ZMYND8: variants seen among roughly 807,000 people sequenced by gnomAD.
ZMYND8 encodes the protein zinc finger MYND-type containing 8, also known as MYND-type zinc finger-containing chromatin reader ZMYND8.
A neutral mutation model predicts 140.8 loss-of-function variants in ZMYND8; 37 were observed. The ratio of observed to expected loss-of-function variants is 0.26; its 90% confidence interval spans 0.20 to 0.35. The LOEUF (loss-of-function observed/expected upper bound fraction) is 0.35, where lower values mean the gene tolerates loss of function less well. Among genes scored for constraint, ZMYND8 ranks in the 10% least tolerant of loss-of-function variants. ZMYND8 has a pLI of 1.00. For missense variants in ZMYND8, 1,068 were observed against 1,570.0 expected (o/e 0.68, Z 5.40); for synonymous variants, 592 against 597.1 (o/e 0.99, Z 0.12).
At chr20:47,328,227 G>A (rs146448695) in intron 2 of ZMYND8, among the ~76,000 whole-genome samples, 1 of 152,266 alleles carries the variant, frequency 6.6e-6, no homozygotes, top group East Asian at 1.9e-4. Context: ...TTGCTAGGAT[G>A]GCCAGGTCCT....
chr20:47,281,169 C>A (rs941732602), intron 10 of ZMYND8, among the ~76,000 whole-genome samples: 1 of 152,194 alleles, frequency 6.6e-6, no homozygotes, highest in African/African-American at 2.4e-5. Context: ...AAATCCAGCA[C>A]CATCTCAATA....
At chr20:47,264,564 A>G (rs894245704) in intron 11 of ZMYND8, among the ~76,000 whole-genome samples, 1 of 152,218 alleles carries the variant, frequency 6.6e-6, no homozygotes, top group Non-Finnish European at 1.5e-5. Context: ...GCCATGAGTC[A>G]CTGTGCCCAG....
intron 2 of ZMYND8, among the ~76,000 whole-genome samples, chr20:47,337,079 C>T (rs903096274): frequency 2.8e-4 from 43 of 151,420 alleles, no homozygotes; most frequent in Admixed American, 8.6e-4. Flanking sequence ...CAGCCAGGCA[C>T]GGTGGCTCAC....
intron 14 of ZMYND8, among the ~76,000 whole-genome samples, chr20:47,245,525 C>T (rs1462909447): frequency 1.3e-5 from 2 of 152,176 alleles, no homozygotes; most frequent in South Asian, 2.1e-4. Context: ...GGATTACAGG[C>T]GTGAGCCACC....
In ZMYND8 at chr20:47,310,282, C is replaced by A. The variant is rs978531830; in HGVS notation, c.86-78G>T. On this transcript the variant is annotated intron_variant, in intron 2 of 22. Coordinates refer to ENST00000471951, the MANE Select transcript of ZMYND8 (RefSeq NM_001281775.3). The stretch of plus-strand genomic sequence containing the variant: ...CCACAGGGAGGAGGTGTGGAGGAAC[C>A]AAGTGTGGGAACAGAGTGCATTCTG... The A allele has an allele frequency of 2.7e-6, 4 of 1,507,850 alleles. No homozygotes were observed. In the Admixed American group the frequency reaches 9.0e-5, roughly 34 times the overall value. The allele number at this position is 1,507,850 out of a possible 1,614,324, so 93.4% of individuals were successfully genotyped here.
intron 2 of ZMYND8, among the ~76,000 whole-genome samples, chr20:47,338,822 C>T (rs904523762): frequency 2.6e-5 from 4 of 152,114 alleles, no homozygotes; most frequent in African/African-American, 9.7e-5. Flanking sequence ...TCCTTCCAAA[C>T]ACCTGCAGAA....
At chr20:47,328,990 G>A (rs1008639256) in intron 2 of ZMYND8, among the ~76,000 whole-genome samples, 1 of 152,216 alleles carries the variant, frequency 6.6e-6, no homozygotes, top group African/African-American at 2.4e-5. Flanking sequence ...TCAGGCCTAG[G>A]TGCCAAGGGG....
chr20:47,240,187 G>A (rs1026848736), intron 14 of ZMYND8, among the ~76,000 whole-genome samples: 4 of 152,050 alleles, frequency 2.6e-5, no homozygotes, highest in African/African-American at 9.7e-5. Context: ...ACTCCGGTCT[G>A]TGAGAAAGAG....
At chr20:47,308,123 A>G (rs1601787481) in intron 3 of ZMYND8, among the ~76,000 whole-genome samples, 1 of 146,344 alleles carries the variant, frequency 6.8e-6, no homozygotes, top group Non-Finnish European at 1.5e-5. Flanking sequence ...GTCTCAAAAA[A>G]AAAAAAAAAA....
intron 19 of ZMYND8, 52 bp downstream of exon 19, chr20:47,224,265 C>T: frequency 1.2e-6 from 2 of 1,607,200 alleles, no homozygotes; most frequent in African/African-American, 1.3e-5. Flanking sequence ...CAGGGGAGAC[C>T]AATGCCAAGC....
chr20:47,332,529 G>A (rs1439237626), intron 2 of ZMYND8, among the ~76,000 whole-genome samples: 2 of 152,016 alleles, frequency 1.3e-5, no homozygotes, highest in Non-Finnish European at 2.9e-5. Flanking sequence ...GGGCAACATA[G>A]CAAGACTCTG....
At chr20:47,272,698 G>C (rs2076031958) in intron 11 of ZMYND8, among the ~76,000 whole-genome samples, 1 of 152,166 alleles carries the variant, frequency 6.6e-6, no homozygotes, top group Admixed American at 6.5e-5. Flanking sequence ...AAGGATTATA[G>C]GCACACAGCT....
chr20:47,237,505 G>A (rs545519496), intron 15 of ZMYND8: 3 of 152,090 alleles, frequency 2.0e-5, no homozygotes, highest in Non-Finnish European at 4.4e-5. Context: ...TCCTGCTTAT[G>A]AGATATGAAG....
intron 11 of ZMYND8, among the ~76,000 whole-genome samples, chr20:47,265,851 G>A (rs1157401699): frequency 2.0e-5 from 3 of 152,188 alleles, no homozygotes; most frequent in African/African-American, 7.2e-5. Context: ...AACAAGTGTT[G>A]AGATTTAAGA....
chr20:47,223,232 G>A (rs1158914434), intron 19 of ZMYND8, among the ~76,000 whole-genome samples: 4 of 152,296 alleles, frequency 2.6e-5, no homozygotes, highest in South Asian at 4.2e-4. Context: ...TAGGCTGGGC[G>A]TGGTGGCTCA....
intron 2 of ZMYND8, among the ~76,000 whole-genome samples, chr20:47,322,507 C>A (rs2080049911): frequency 6.9e-6 from 1 of 144,586 alleles, no homozygotes; most frequent in Non-Finnish European, 1.5e-5. Flanking sequence ...GTGGCGCGAT[C>A]TTGGCTCACT....
At chr20:47,224,622 G>GC in intron 18 of ZMYND8, 66 bp from the exon 19 acceptor site, 3 of 1,594,738 alleles carry the variant, frequency 1.9e-6, no homozygotes, top group Non-Finnish European at 2.6e-6. Flanking sequence ...GGTTATTCCT[G>GC]CCCCCAGATT....
chr20:47,337,865 C>T (rs2148506357), intron 2 of ZMYND8, among the ~76,000 whole-genome samples: 1 of 152,122 alleles, frequency 6.6e-6, no homozygotes, highest in Middle Eastern at 3.4e-3. Context: ...ATGGCAATGA[C>T]TGGCTTGGGA....
intron 2 of ZMYND8, among the ~76,000 whole-genome samples, chr20:47,338,939 C>A (rs73130982): frequency 6.6e-6 from 1 of 151,894 alleles, no homozygotes; most frequent in African/African-American, 2.4e-5. Flanking sequence ...TGGTCCCGAG[C>A]CTGCCTGCTG....
Sources: gnomAD v4.1 joint callset for allele counts (sites outside exome capture counted in the v4.1 genomes callset) on GRCh38, gnomAD v4.1.1 for gene constraint, MANE v1.5 for transcripts, NCBI Gene and HGNC (gene_info 2026-07-23, HGNC 2026-07-21) for gene names.